Variants in NOTCH3 observed in about 807,000 individuals in gnomAD.
NOTCH3 encodes the protein neurogenic locus notch homolog protein 3.
Under a neutral mutation model 213.3 loss-of-function variants are expected in NOTCH3, and 86 were observed. The ratio of observed to expected loss-of-function variants is 0.40; its 90% CI spans 0.34 to 0.48. The LOEUF (loss-of-function observed/expected upper bound fraction) is 0.48. Ranked by LOEUF, NOTCH3 falls within the 20% of genes least tolerant of loss-of-function variation. The pLI is 0.57. For synonymous variants in NOTCH3, 1,354 were observed against 1,355.9 expected, an observed-to-expected ratio of 1.00 and a Z score of 0.03; for missense variants, 2,783 against 3,272.6, an observed-to-expected ratio of 0.85 and a Z score of 3.65.
intron 28 of NOTCH3, among the ~76,000 whole-genome samples, chr19:15,167,721 T>C (rs1200242938): frequency 2.6e-5 from 4 of 151,986 alleles, no homozygotes; most frequent in Non-Finnish European, 4.4e-5. Context: ...GTCCAGCTAA[T>C]TTTTTGTATT....
rs954849687 is a variant in NOTCH3 at position 15,178,022 on chromosome 19, G to C, written c.3906C>G (p.Val1302=). 6.7e-7 allele frequency: 1 copy of C among 1,502,078 alleles called. No homozygotes were observed. Among genetic ancestry groups the C allele is most frequent in the African/African-American group, 1.4e-5 (1 of 69,690 alleles). The allele number at this position is 1,502,078 out of a possible 1,614,324, so 93.0% of individuals were successfully genotyped here. Residue 1302 remains valine, a synonymous_variant, in exon 24 of 33, where the codon GTC becomes GTG. Transcript: ENST00000263388. ...GCCCGCGGGGCGTCTGCTGGCATGGGACGCCCACCGGGCACTGCAGCTCCC... is the reference window on the plus strand; with the variant it reads ...GCCCGCGGGGCGTCTGCTGGCATGGCACGCCCACCGGGCACTGCAGCTCCC... The part of the protein sequence containing the change: ...SCRELQCPVG[V]PCQQTPRGPR...
At chr19:15,199,378 GTGT>G (rs2046993542) in intron 1 of NOTCH3, among the ~76,000 whole-genome samples, 1 of 152,214 alleles carries the variant, frequency 6.6e-6, no homozygotes, top group African/African-American at 2.4e-5. Context: ...GTACAGCTGT[GTGT>G]TGGTGTGACC....
chr19:15,176,882 C>T (rs1388952141), intron 24 of NOTCH3, among the ~76,000 whole-genome samples: 2 of 150,116 alleles, frequency 1.3e-5, no homozygotes, highest in Non-Finnish European at 3.0e-5. Context: ...AGCAGCCTGG[C>T]CAATATGGTG....
At chr19:15,186,848 G>A in intron 12 of NOTCH3, 30 bp downstream of exon 12, 1 of 1,558,454 alleles carries the variant, frequency 6.4e-7, no homozygotes, top group Non-Finnish European at 8.9e-7. Context: ...TCGATCTAAG[G>A]ACCCCCTCTC....
In NOTCH3 at chr19:15,159,134, T is replaced by C. The variant is rs2046620103; in HGVS notation, c.*1528A>G. The C allele has an allele frequency of 6.6e-6, 1 of 152,158 alleles. No homozygotes were observed. Among genetic ancestry groups the C allele is most frequent in the South Asian group, 2.1e-4 (1 of 4,820 alleles). 9.4% of individuals were successfully genotyped at this position (152,158 alleles called of 1,614,324 possible). A position where few individuals can be genotyped will look rare whatever the true frequency, so the allele number is the denominator to read the frequency against. ...AAGTGAAATTCATGCAGAACCATGA[T>C]CAGATACTTAGAAAGCAATTAATAA... On this transcript the variant is annotated 3_prime_UTR_variant, in exon 33 of 33. Coordinates refer to ENST00000263388, the MANE Select transcript of NOTCH3 (RefSeq NM_000435.3).
At chr19:15,181,511 C>T in intron 17 of NOTCH3, 65 bp downstream of exon 17, 1 of 1,371,178 alleles carries the variant, frequency 7.3e-7, no homozygotes, top group Non-Finnish European at 1.0e-6. Flanking sequence ...GTCCCCACTT[C>T]GTCCCAGGTC....
Position 15,191,800 on chromosome 19 carries a change from C to A in NOTCH3, c.747G>T (p.Gly249=). The A allele has an allele frequency of 6.2e-7, 1 of 1,613,954 alleles. No individual in the cohort carries two copies. Among genetic ancestry groups the A allele is most frequent in the Non-Finnish European group, 8.5e-7 (1 of 1,180,038 alleles). Residue 249 remains glycine (G), a synonymous_variant, in exon 5 of 33, where the codon GGG becomes GGT. Coordinates refer to ENST00000263388, the MANE Select transcript of NOTCH3 (RefSeq NM_000435.3). ...AGGTGTTGACGCCATCCACGCATGT[C>A]CCCCCATTGAGACATCGGTGTCCTG... ...DCPGHRCLNG[G]TCVDGVNTYN...
At position 15,178,934 on chromosome 19, in the gene NOTCH3, G is replaced by C. The variant is rs924794225; in HGVS notation, c.3726C>G (p.Arg1242=). ...CGCAGGGAGACAGGACAGTCTGACAGCGAGGACCTGAGCGAGCGGGAGCAT... is the reference window on the plus strand; with the variant it reads ...CGCAGGGAGACAGGACAGTCTGACACCGAGGACCTGAGCGAGCGGGAGCAT... ...CLCHAGFSGP[R]CQTVLSPCES... is the part of the protein sequence containing the mutation. Residue 1242 remains arginine (R), a synonymous_variant, in exon 23 of 33, where the codon CGC becomes CGG. Coordinates refer to ENST00000263388, the MANE Select transcript of NOTCH3 (RefSeq NM_000435.3). 2 of 1,613,960 alleles carry C rather than the reference G, an allele frequency of 1.2e-6. No individual in the cohort carries two copies. Among genetic ancestry groups the C allele is most frequent in the Admixed American group, 1.7e-5 (1 of 60,012 alleles).
At chr19:15,188,157 G>C (rs1169665776) in intron 9 of NOTCH3, 78 bp downstream of exon 9, 7 of 1,159,552 alleles carry the variant, frequency 6.0e-6, no homozygotes, top group Non-Finnish European at 8.9e-6. Flanking sequence ...CGCTAACGTG[G>C]TTTTACAGGT....
intron 16 of NOTCH3, among the ~76,000 whole-genome samples, chr19:15,183,649 T>G (rs1490096641): frequency 6.6e-6 from 1 of 152,176 alleles, no homozygotes; most frequent in African/African-American, 2.4e-5. Context: ...TCCGCCCACC[T>G]TGGCCTCCCA....
Position 15,189,178 on chromosome 19 carries a change from C to T in NOTCH3, c.1193-4G>A, listed in dbSNP as rs929025810. ...AAGTGCTCGCAGGGGTTGGCGCCTGCCGGATGGAGTGCGATCGGTGTGGGC... is the reference window on the plus strand; with the variant it reads ...AAGTGCTCGCAGGGGTTGGCGCCTGTCGGATGGAGTGCGATCGGTGTGGGC... On this transcript the variant is annotated splice_region_variant and splice_polypyrimidine_tract_variant and intron_variant, in intron 7 of 32. Coordinates refer to ENST00000263388, the MANE Select transcript of NOTCH3 (RefSeq NM_000435.3). The T allele has an allele frequency of 2.5e-6, 4 of 1,613,334 alleles. No individual in the cohort carries two copies. The highest frequency in any genetic ancestry group is 2.5e-6 in the Non-Finnish European group (3 of 1,180,044).
chr19:15,186,491 G>C (rs561541930), intron 12 of NOTCH3, among the ~76,000 whole-genome samples: 1 of 150,712 alleles, frequency 6.6e-6, no homozygotes, highest in Non-Finnish European at 1.5e-5. Flanking sequence ...TGCCGCCTCC[G>C]CCTCCTGAGG....
chr19:15,181,288 G>T, intron 17 of NOTCH3, 126 bp from the exon 18 acceptor site: 1 of 882,786 alleles, frequency 1.1e-6, no homozygotes, highest in Non-Finnish European at 1.8e-6. Context: ...GCAAGAAGCT[G>T]CAGCCCCAGC....
chr19:15,179,174 C>T lies in NOTCH3; in HGVS notation c.3569G>A (p.Arg1190His), dbSNP rs372241697. 3.7e-5 allele frequency: 60 copies of T among 1,613,854 alleles called. No individual in the cohort carries two copies. In the African/African-American group the frequency reaches 6.0e-4, roughly 16 times the overall value. ...GTCVDLVGGF[R>H]CTCPPGYTGL... ...AGTGTATCCTGGGGGACAGGTGCAG[C>T]GGAAACCACCCACCAGGTCCACGCA... The change falls in exon 22 of 33, where the codon CGC (arginine) becomes CAC (histidine). Residue 1190 changes from arginine to histidine, a missense_variant. By Grantham distance (29) the Arg-to-His change is conservative. Coordinates refer to ENST00000263388, the MANE Select transcript of NOTCH3 (RefSeq NM_000435.3).
chr19:15,170,054 G>A (rs2046717906), intron 28 of NOTCH3, 32 bp downstream of exon 28: 11 of 1,326,778 alleles, frequency 8.3e-6, no homozygotes, highest in African/African-American at 1.4e-5. Context: ...AGGGGTCAGA[G>A]GAGGGGGCAA....
In NOTCH3 at chr19:15,167,117, T is replaced by G. The variant is rs111487886; in HGVS notation, c.5362+132A>C. The G allele has an allele frequency of 5.3e-5, 50 of 941,696 alleles. No homozygotes were observed. The African/African-American group carries it at 7.1e-4, about 13-fold the overall frequency. The allele number at this position is 941,696 out of a possible 1,614,324, so 58.3% of individuals were successfully genotyped here. A position where few individuals can be genotyped will look rare whatever the true frequency, so the allele number is the denominator to read the frequency against. On this transcript the variant is annotated intron_variant, in intron 29 of 32. Transcript: ENST00000263388. ...CCTTTGTCACTTCCAACCAAGAGTG[T>G]TGCTGAATACACACACCCTTCACAG...
rs974112705 is a variant in NOTCH3 at position 15,161,958 on chromosome 19, T to C, written c.5914-244A>G. On this transcript the variant is annotated intron_variant, in intron 32 of 32. Coordinates refer to ENST00000263388, the MANE Select transcript of NOTCH3 (RefSeq NM_000435.3). ...GGTGAGTTAAGCGAGGTACTCACCT[T>C]AGGCATAACTTTTTTTTTCTTGTCT... Among the ~76,000 whole-genome samples the C allele has an allele frequency of 2.7e-5, 4 of 150,496 alleles. No individual in the cohort carries two copies. The South Asian group carries it at 8.4e-4, about 32-fold the overall frequency.
At position 15,170,704 on chromosome 19, in the gene NOTCH3, G is replaced by T. The variant is rs144401090; in HGVS notation, c.4858C>A (p.Leu1620Met). 1 of 1,592,472 alleles carries T rather than the reference G, an allele frequency of 6.3e-7. No homozygotes were observed. The highest frequency in any genetic ancestry group is 2.3e-5 in the East Asian group (1 of 43,760). Reference protein sequence around the residue: ...YLGALSAVERLDFPYPLRDVR... With the variant: ...YLGALSAVERMDFPYPLRDVR... ...TCCCGCAGTGGGTACGGGAAGTCCA[G>T]GCGCTCCACCGCTGACAACGCTCCC... Residue 1620 changes from leucine to methionine, a missense_variant, in exon 26 of 33, where the codon CTG (leucine) becomes ATG (methionine). Physicochemically the swap from Leu to Met is conservative, Grantham distance 15 (BLOSUM62 2). This residue lies in a region of NOTCH3 where 636 missense variants were observed against 801.8 expected (regional missense o/e 0.79). Transcript: ENST00000263388.
rs1329279009 is a variant in NOTCH3 at position 15,200,829 on chromosome 19, G to A, written c.77C>T (p.Ala26Val). ...SPPPPPPPVR[A>V]LPLLLLLAGP... is the part of the protein sequence containing the mutation. ...CGCTAGCAGCAGCAGCAGGGGCAGC[G>A]CCCGCACGGGTGGCGGTGGCGGTGG... is the stretch of plus-strand genomic sequence containing the variant. The change falls in exon 1 of 33, where the codon GCG becomes GTG. Residue 26 changes from alanine (A) to valine (V), a missense_variant. By Grantham distance (64) the Ala-to-Val change is moderately conservative. Around this residue, in one of 6 missense-constraint regions of NOTCH3, gnomAD observed 708 missense variants for 906.6 expected, o/e 0.78. Coordinates refer to ENST00000263388, the MANE Select transcript of NOTCH3 (RefSeq NM_000435.3). 8.4e-7 allele frequency: 1 copy of A among 1,196,292 alleles called. No individual in the cohort carries two copies. Among genetic ancestry groups the A allele is most frequent in the Non-Finnish European group, 1.0e-6 (1 of 952,924 alleles). The allele number at this position is 1,196,292 out of a possible 1,614,324, so 74.1% of individuals were successfully genotyped here. A position where few individuals can be genotyped will look rare whatever the true frequency, so the allele number is the denominator to read the frequency against.
Sources: gnomAD v4.1 joint callset for allele counts (sites outside exome capture counted in the v4.1 genomes callset) on GRCh38, gnomAD v4.1.1 for gene constraint, gnomAD v4.1.1 regional missense constraint, MANE v1.5 for transcripts, NCBI Gene and HGNC (gene_info 2026-07-23, HGNC 2026-07-21) for gene names.